The following C17orf99 variants were observed in gnomAD, a reference collection of about 807,000 sequenced individuals.
C17orf99 encodes chromosome 17 open reading frame 99, also known as protein IL-40.
C17orf99 carries 18 observed loss-of-function variants against 22.6 expected under a neutral mutation model. That is an observed-to-expected ratio of 0.80 (90% CI 0.55 to 1.18). C17orf99 has a LOEUF of 1.18. C17orf99 is among the 50% of genes most tolerant of loss of function. The pLI is 0.00. For missense variants in C17orf99, 328 were observed against 342.7 expected, an observed-to-expected ratio of 0.96 and a Z score of 0.34; for synonymous variants, 147 against 136.6, an observed-to-expected ratio of 1.08 and a Z score of -0.53.
In C17orf99 at chr17:78,151,671, C is replaced by T. The variant is rs549638240; in HGVS notation, c.70+4760C>T. On this transcript the variant is annotated intron_variant, in intron 2 of 4. Coordinates refer to ENST00000340363, the MANE Select transcript of C17orf99 (RefSeq NM_001163075.2). ...GTCTCCTTTCCTCTTCTCCTCAGGC[C>T]CCACCCTAATCCAGCATGAATTACT... Among the ~76,000 whole-genome samples the T allele has an allele frequency of 2.3e-3, 355 of 152,120 alleles. 2 individuals carry two copies. The highest frequency in any genetic ancestry group is 8.1e-3 in the African/African-American group (335 of 41,496).
At position 78,158,516 on chromosome 17, in the gene C17orf99, C is replaced by G. The variant is rs1289376548; in HGVS notation, c.71-2439C>G. 1.2e-5 allele frequency: 2 copies of G among 172,554 alleles called. 1 individual carries two copies. The highest frequency in any genetic ancestry group is 4.7e-5 in the African/African-American group (2 of 42,180). The allele number at this position is 172,554 out of a possible 1,614,324, so 10.7% of individuals were successfully genotyped here. A position where few individuals can be genotyped will look rare whatever the true frequency, so the allele number is the denominator to read the frequency against. On this transcript the variant is annotated intron_variant, in intron 2 of 4. Coordinates refer to ENST00000340363, the MANE Select transcript of C17orf99 (RefSeq NM_001163075.2). ...TTCACCGTGTTAGCCAGGATGGTCTCGATCTCCTGACCTCGTGATCCACCC... is the reference window on the plus strand; with the variant it reads ...TTCACCGTGTTAGCCAGGATGGTCTGGATCTCCTGACCTCGTGATCCACCC...
At chr17:78,155,842 G>C (rs187157292) in intron 2 of C17orf99, among the ~76,000 whole-genome samples, 2 of 151,652 alleles carry the variant, frequency 1.3e-5, no homozygotes, top group Non-Finnish European at 2.9e-5. Flanking sequence ...GGCCAGGCTG[G>C]TCTTGAACTC....
chr17:78,146,291 G>T, upstream of C17orf99: 1 of 916,396 alleles, frequency 1.1e-6, no homozygotes, highest in East Asian at 2.8e-5. This position sits in a 1 kb window ranked among gnomAD's most constrained non-coding sequence, Gnocchi z 5.2. Flanking sequence ...GCGGCCTCCA[G>T]GTTATCTCCC....
chr17:78,149,190 G>C (rs191477898), intron 2 of C17orf99, among the ~76,000 whole-genome samples: 242 of 151,862 alleles, frequency 1.6e-3, no homozygotes, highest in Non-Finnish European at 2.7e-3. Flanking sequence ...AAATTAGCCG[G>C]GCGTGGTGGC....
intron 2 of C17orf99, among the ~76,000 whole-genome samples, chr17:78,152,943 A>T (rs368501743): frequency 1.6e-4 from 24 of 151,708 alleles, no homozygotes; most frequent in African/African-American, 5.8e-4. Flanking sequence ...TTAGCCAAGC[A>T]TGGTGGCATG....
intron 2 of C17orf99, among the ~76,000 whole-genome samples, chr17:78,151,827 C>A (rs530555457): frequency 6.6e-6 from 1 of 152,352 alleles, no homozygotes. Flanking sequence ...CAACCCTTAA[C>A]GGACGGCGGC....
chr17:78,157,594 C>A, intron 2 of C17orf99: 2 of 558,464 alleles, frequency 3.6e-6, no homozygotes, highest in South Asian at 1.8e-5. Context: ...GTCAGGAGAT[C>A]GAAACCATCC....
Position 78,146,747 on chromosome 17 carries a change from C to A in C17orf99, c.38-132C>A. ...GAGCTTTTGTGAGTGATGGTGCCAG[C>A]TGAGTCCTGGGGCCTCACTACCAAG... is the stretch of plus-strand genomic sequence containing the variant. On this transcript the variant is annotated intron_variant, in intron 1 of 4. Transcript: ENST00000340363. This position sits in a 1 kb window ranked among gnomAD's most constrained non-coding sequence, Gnocchi z 5.2. The A allele has an allele frequency of 1.2e-6, 1 of 855,066 alleles. No individual in the cohort carries two copies. The highest frequency in any genetic ancestry group is 1.9e-6 in the Non-Finnish European group (1 of 529,958). The allele number at this position is 855,066 out of a possible 1,614,324, so 53.0% of individuals were successfully genotyped here.
At chr17:78,156,841 A>C (rs2075528926) in intron 2 of C17orf99, among the ~76,000 whole-genome samples, 1 of 151,970 alleles carries the variant, frequency 6.6e-6, no homozygotes, top group African/African-American at 2.4e-5. Flanking sequence ...CTGATCTCCG[A>C]GGCTCAAGCA....
At chr17:78,161,370 G>T in intron 3 of C17orf99, 116 bp downstream of exon 3, 1 of 920,816 alleles carries the variant, frequency 1.1e-6, no homozygotes, top group Non-Finnish European at 1.6e-6. Flanking sequence ...GGGTGTGAGG[G>T]TGTGGACAAG....
upstream of C17orf99, chr17:78,146,246 G>T: frequency 1.7e-6 from 1 of 593,692 alleles, no homozygotes; most frequent in Non-Finnish European, 2.9e-6. This position sits in a 1 kb window ranked among gnomAD's most constrained non-coding sequence, Gnocchi z 5.2. Flanking sequence ...GGGGCTCTCT[G>T]GGCCCCGCCC....
In C17orf99 at chr17:78,164,157, G is replaced by A. The variant is rs914315402; in HGVS notation, c.433G>A (p.Glu145Lys). 3 of 1,551,518 alleles carry A rather than the reference G, an allele frequency of 1.9e-6. No individual in the cohort carries two copies. Among genetic ancestry groups the A allele is most frequent in the Admixed American group, 2.0e-5 (1 of 50,994 alleles). ...LQDRGAGPRV[E>K]MICQASSGSP... The stretch of plus-strand genomic sequence containing the variant: ...GGACAGAGGGGCAGGCCCCAGGGTG[G>A]AGATGATCTGCCAGGCGTCCTCGGG... The change falls in exon 4 of 5, where the codon GAG becomes AAG. Residue 145 changes from glutamate to lysine, a missense_variant. Transcript: ENST00000340363.
intron 2 of C17orf99, among the ~76,000 whole-genome samples, chr17:78,151,906 G>A (rs2075486961): frequency 6.6e-6 from 1 of 152,162 alleles, no homozygotes; most frequent in African/African-American, 2.4e-5. Context: ...GTTGGGACTG[G>A]AATTTCTAAG....
intron 2 of C17orf99, chr17:78,157,867 C>T (rs62079083): frequency 0.25 from 253,951 of 997,088 alleles, 40,768 homozygotes; most frequent in Middle Eastern, 0.36. Flanking sequence ...GTAAGATCGT[C>T]GAGATGTCTA....
At chr17:78,150,415 G>A (rs907998819) in intron 2 of C17orf99, among the ~76,000 whole-genome samples, 1 of 152,150 alleles carries the variant, frequency 6.6e-6, no homozygotes, top group Non-Finnish European at 1.5e-5. Flanking sequence ...AAGTGCGGGG[G>A]TTACAGGTAT....
chr17:78,161,185 T>C lies in C17orf99; in HGVS notation c.301T>C (p.Trp101Arg), dbSNP rs4071641. 927,787 of 1,551,056 alleles carry C rather than the reference T, an allele frequency of 0.6. 285,119 individuals carry two copies. The highest frequency in any genetic ancestry group is 0.91 in the African/African-American group (66,228 of 73,128). The stretch of plus-strand genomic sequence containing the variant: ...TCCAGACCTGCTCACCTACTTCTGC[T>C]GGGCGTCCTCCACCTCAGGTGCCCA... ...SSPDLLTYFC[W>R]ASSTSGAHVD... Residue 101 changes from tryptophan to arginine, a missense_variant, in exon 3 of 5, where the codon TGG (tryptophan) becomes CGG (arginine). Trp to Arg is a moderately radical substitution (Grantham distance 101). Coordinates refer to ENST00000340363, the MANE Select transcript of C17orf99 (RefSeq NM_001163075.2).
intron 2 of C17orf99, among the ~76,000 whole-genome samples, chr17:78,155,258 T>A (rs770243934): frequency 1.4e-4 from 22 of 151,728 alleles, no homozygotes; most frequent in Non-Finnish European, 3.1e-4. Flanking sequence ...TGGTTGAGAG[T>A]TACTGGTCTA....
At chr17:78,153,897 G>GAA (rs954585766) in intron 2 of C17orf99, among the ~76,000 whole-genome samples, 1 of 131,606 alleles carries the variant, frequency 7.6e-6, no homozygotes, top group Non-Finnish European at 1.7e-5. Flanking sequence ...CCTGTTTAGG[G>GAA]AAAAAAAAAA....
At chr17:78,164,011 A>AT in intron 3 of C17orf99, 84 bp from the exon 4 acceptor site, 1 of 1,225,478 alleles carries the variant, frequency 8.2e-7, no homozygotes, top group Non-Finnish European at 1.2e-6. Context: ...CTCATTAGGC[A>AT]TTTTGTAATG....
Sources: allele counts gnomAD v4.1 joint callset (sites outside exome capture counted in the v4.1 genomes callset), GRCh38; gene constraint gnomAD v4.1.1; non-coding constraint Gnocchi (gnomAD v3.1); transcripts MANE v1.5; gene names NCBI Gene and HGNC (gene_info 2026-07-23, HGNC 2026-07-21).